PCDHA6: variants seen among roughly 807,000 people sequenced by gnomAD.
PCDHA6 encodes the protein protocadherin alpha 6.
In PCDHA6, 55 loss-of-function variants were observed where a neutral mutation model predicts 60.3. That is an observed-to-expected ratio of 0.91 (90% CI 0.73 to 1.14). The LOEUF (loss-of-function observed/expected upper bound fraction) is 1.14. PCDHA6 is among the 50% of genes most tolerant of loss of function. PCDHA6 has a pLI of 0.00. For missense variants in PCDHA6, 1,327 were observed against 1,256.5 expected, an observed-to-expected ratio of 1.06 and a Z score of -0.85; for synonymous variants, 652 against 557.9, an observed-to-expected ratio of 1.17 and a Z score of -2.38.
At chr5:140,869,751 CG>C (rs782746767) in intron 1 of PCDHA6, 1 of 1,613,134 alleles carries the variant, frequency 6.2e-7, no homozygotes, top group South Asian at 1.1e-5. Flanking sequence ...CAGCTACAGA[CG>C]GGGGAAAACC....
chr5:140,914,852 C>T (rs2076867528), intron 1 of PCDHA6, among the ~76,000 whole-genome samples: 1 of 151,838 alleles, frequency 6.6e-6, no homozygotes, highest in Non-Finnish European at 1.5e-5. Flanking sequence ...AAAAGGAAGA[C>T]TAATAAAAGT....
chr5:140,897,309 A>G (rs1165791921), intron 1 of PCDHA6, among the ~76,000 whole-genome samples: 3 of 148,098 alleles, frequency 2.0e-5, no homozygotes, highest in Non-Finnish European at 3.0e-5. Flanking sequence ...CATTAGGTAT[A>G]TCTCCTAAAG....
intron 3 of PCDHA6, among the ~76,000 whole-genome samples, chr5:140,995,247 A>G (rs1377733694): frequency 6.6e-6 from 1 of 152,186 alleles, no homozygotes; most frequent in Non-Finnish European, 1.5e-5. Context: ...TAAGTAAAAT[A>G]AGGGTACTTG....
chr5:140,967,687 C>T (rs1173018126), intron 1 of PCDHA6: 1 of 1,614,094 alleles, frequency 6.2e-7, no homozygotes, highest in Non-Finnish European at 8.5e-7. Context: ...AGAGGCAGCT[C>T]TTCAGCATAG....
Position 140,856,573 on chromosome 5 carries a change from G to A in PCDHA6, c.2394+26088G>A, listed in dbSNP as rs1168113677. 4.4e-6 allele frequency: 7 copies of A among 1,597,600 alleles called. No individual in the cohort carries two copies. The African/African-American group carries it at 5.4e-5, about 12-fold the overall frequency. ...TTACTTACAAACTCAGTCCAAATGA[G>A]TATTTTGTTCTTGATATTATAAACA... On this transcript the variant is annotated intron_variant, in intron 1 of 3. Transcript: ENST00000529310.
intron 1 of PCDHA6, chr5:140,836,852 A>AT (rs1364228516): frequency 6.2e-6 from 5 of 810,820 alleles, no homozygotes; most frequent in Non-Finnish European, 9.4e-6. Context: ...TATAATTATT[A>AT]TTTTTTAATG....
At chr5:140,833,148 T>A (rs145941830) in intron 1 of PCDHA6, among the ~76,000 whole-genome samples, 2 of 152,132 alleles carry the variant, frequency 1.3e-5, no homozygotes, top group Admixed American at 1.3e-4. Context: ...TGTGAAGCAA[T>A]ACGAATAAAA....
chr5:140,843,665 T>G (rs2150364674), intron 1 of PCDHA6: 2 of 1,593,538 alleles, frequency 1.3e-6, no homozygotes, highest in South Asian at 1.1e-5. Flanking sequence ...TGATCTGGGA[T>G]CAGTTGATGT....
At chr5:140,859,421 T>A in intron 1 of PCDHA6, 1 of 232,516 alleles carries the variant, frequency 4.3e-6, no homozygotes, top group Non-Finnish European at 8.1e-6. Flanking sequence ...TGATATAGAC[T>A]CAGAAATGAA....
chr5:140,841,020 C>T (rs186269491), intron 1 of PCDHA6, among the ~76,000 whole-genome samples: 2 of 151,914 alleles, frequency 1.3e-5, no homozygotes, highest in African/African-American at 4.8e-5. Flanking sequence ...AGTATGAATG[C>T]CTCTGCAATT....
intron 1 of PCDHA6, among the ~76,000 whole-genome samples, chr5:140,872,773 C>CTA (rs1354761914): frequency 6.6e-6 from 1 of 152,078 alleles, no homozygotes; most frequent in Non-Finnish European, 1.5e-5. Context: ...GCTATATTAT[C>CTA]TATAATATAT....
chr5:140,920,054 C>A (rs1332238212), intron 1 of PCDHA6, among the ~76,000 whole-genome samples: 1 of 152,150 alleles, frequency 6.6e-6, no homozygotes, highest in Non-Finnish European at 1.5e-5. Context: ...CAGCCACCAA[C>A]ACCTGGAAAA....
intron 1 of PCDHA6, chr5:140,869,913 C>G: frequency 6.2e-7 from 1 of 1,610,754 alleles, no homozygotes; most frequent in Non-Finnish European, 8.5e-7. Flanking sequence ...CAGACCGAGA[C>G]GAAGGAGTCA....
chr5:140,966,947 G>C (rs782439197), intron 1 of PCDHA6: 2 of 1,603,404 alleles, frequency 1.2e-6, no homozygotes, highest in East Asian at 2.2e-5. Flanking sequence ...CGTGGGCAAC[G>C]TGGCTCGCGC....
chr5:140,853,671 A>G (rs1314444035), intron 1 of PCDHA6: 5 of 988,246 alleles, frequency 5.1e-6, no homozygotes, highest in East Asian at 1.1e-4. Flanking sequence ...ATTGGGGCCT[A>G]TGGTCAACCT....
At chr5:140,877,380 C>T (rs372220347) in intron 1 of PCDHA6, 25 of 1,613,862 alleles carry the variant, frequency 1.5e-5, no homozygotes, top group Middle Eastern at 1.6e-4. Context: ...CGACACGCAT[C>T]CTGGATGAGG....
At chr5:140,913,122 C>A (rs2076217505) in intron 1 of PCDHA6, among the ~76,000 whole-genome samples, 1 of 152,158 alleles carries the variant, frequency 6.6e-6, no homozygotes, top group African/African-American at 2.4e-5. Context: ...TGGAAGTTAA[C>A]CCCTCCTCTA....
chr5:140,883,568 T>C, intron 1 of PCDHA6: 3 of 1,614,110 alleles, frequency 1.9e-6, no homozygotes, highest in Non-Finnish European at 2.5e-6. Context: ...GGGCTCGCCT[T>C]CGCTGTGGGC....
At chr5:140,973,665 T>G (rs1309458037) in intron 1 of PCDHA6, among the ~76,000 whole-genome samples, 1 of 152,248 alleles carries the variant, frequency 6.6e-6, no homozygotes, top group African/African-American at 2.4e-5. Context: ...CTATTTATTG[T>G]AGCTTGAATG....
Sources: allele counts gnomAD v4.1 joint callset (sites outside exome capture counted in the v4.1 genomes callset), GRCh38; gene constraint gnomAD v4.1.1; transcripts MANE v1.5; gene names NCBI Gene and HGNC (gene_info 2026-07-23, HGNC 2026-07-21).